Variants in ANO10 observed in about 807,000 individuals in gnomAD.
The protein encoded by ANO10 is anoctamin 10.
A neutral mutation model predicts 74.7 loss-of-function variants in ANO10; 77 were observed. That is an observed-to-expected ratio of 1.03 (90% CI 0.86 to 1.25). ANO10 has a LOEUF of 1.25. Among genes scored for constraint, ANO10 ranks in the 50% most tolerant of loss-of-function variants. The pLI is 0.00. For synonymous variants in ANO10, 279 were observed against 284.9 expected (o/e 0.98, Z 0.21); for missense variants, 721 against 778.1 (o/e 0.93, Z 0.87).
At chr3:43,580,601 C>T in intron 4 of ANO10, 129 bp from the exon 5 acceptor site, 1 of 1,073,146 alleles carries the variant, frequency 9.3e-7, no homozygotes, top group African/African-American at 1.6e-5. Flanking sequence ...CTGCCTACTC[C>T]AAACCTGTAT....
chr3:43,488,751 A>G (rs2149109479), intron 11 of ANO10, among the ~76,000 whole-genome samples: 1 of 152,292 alleles, frequency 6.6e-6, no homozygotes, highest in Non-Finnish European at 1.5e-5. Flanking sequence ...CCATTGTGGA[A>G]GTTGGTGTGG....
At chr3:43,436,824 C>T (rs2093075176) in intron 11 of ANO10, among the ~76,000 whole-genome samples, 1 of 152,156 alleles carries the variant, frequency 6.6e-6, no homozygotes, top group Non-Finnish European at 1.5e-5. Flanking sequence ...ATAGTAGTAG[C>T]TGTGTTTTGT....
intron 11 of ANO10, among the ~76,000 whole-genome samples, chr3:43,548,318 CA>C (rs1203733492): frequency 1.3e-5 from 2 of 152,182 alleles, no homozygotes; most frequent in African/African-American, 4.8e-5. Context: ...CTCTCCCTGT[CA>C]AAGGTAACTC....
intron 7 of ANO10, 23 bp downstream of exon 7, chr3:43,574,786 T>C: frequency 6.3e-7 from 1 of 1,598,028 alleles, no homozygotes; most frequent in Non-Finnish European, 8.6e-7. Flanking sequence ...TAAAATGGAT[T>C]TGTACATAAA....
At chr3:43,556,983 C>G (rs890569593) in intron 9 of ANO10, among the ~76,000 whole-genome samples, 1 of 152,016 alleles carries the variant, frequency 6.6e-6, no homozygotes, top group Non-Finnish European at 1.5e-5. Context: ...TTGGAAATAA[C>G]AGGAGAGTTC....
intron 7 of ANO10, among the ~76,000 whole-genome samples, chr3:43,570,674 A>C (rs1327355247): frequency 6.7e-6 from 1 of 148,152 alleles, no homozygotes; most frequent in Non-Finnish European, 1.5e-5. Flanking sequence ...ACCTTATACA[A>C]AAATCAATTC....
intron 5 of ANO10, among the ~76,000 whole-genome samples, chr3:43,577,747 A>G (rs973294489): frequency 1.3e-5 from 2 of 152,218 alleles, no homozygotes; most frequent in Admixed American, 6.5e-5. Flanking sequence ...ACTTTCATCA[A>G]TGTGTTATGG....
At chr3:43,553,274 T>G (rs1364914476) in intron 10 of ANO10, among the ~76,000 whole-genome samples, 1 of 152,254 alleles carries the variant, frequency 6.6e-6, no homozygotes, top group African/African-American at 2.4e-5. Context: ...GTTTACGATG[T>G]GTGTTGGCAA....
intron 1 of ANO10, among the ~76,000 whole-genome samples, chr3:43,642,158 T>C (rs2083676818): frequency 1.3e-5 from 2 of 152,220 alleles, no homozygotes; most frequent in South Asian, 4.1e-4. Context: ...GAATGACAAA[T>C]ACACTTTTAA....
intron 11 of ANO10, among the ~76,000 whole-genome samples, chr3:43,448,019 G>C (rs2093273867): frequency 6.6e-6 from 1 of 152,136 alleles, no homozygotes; most frequent in Non-Finnish European, 1.5e-5. Context: ...ATTAGGTTTA[G>C]ACAAGGTCAT....
In ANO10 at chr3:43,366,462, G is replaced by A. The variant is rs114518528; in HGVS notation, c.*444C>T. ...GGGAAGCACTGCCTTACTGTACCCC[G>A]CTCACTCTCAACTGAGGCTCCTGTG... is the stretch of plus-strand genomic sequence containing the variant. On this transcript the variant is annotated 3_prime_UTR_variant, in exon 13 of 13. Coordinates refer to ENST00000292246, the MANE Select transcript of ANO10 (RefSeq NM_018075.5). 0.015 allele frequency: 4,481 copies of A among 296,838 alleles called. 192 individuals are homozygous for A. The highest frequency in any genetic ancestry group is 0.087 in the African/African-American group (4,053 of 46,466). The allele number at this position is 296,838 out of a possible 1,614,324, so 18.4% of individuals were successfully genotyped here.
At chr3:43,406,883 C>T (rs2092585484) in intron 12 of ANO10, among the ~76,000 whole-genome samples, 1 of 151,860 alleles carries the variant, frequency 6.6e-6, no homozygotes, top group African/African-American at 2.4e-5. Flanking sequence ...CTGCAGTGTG[C>T]ACGCTGAGTC....
chr3:43,677,858 G>A (rs914434895), intron 1 of ANO10, among the ~76,000 whole-genome samples: 2 of 152,202 alleles, frequency 1.3e-5, no homozygotes, highest in Non-Finnish European at 2.9e-5. Context: ...AGATTCTTAA[G>A]TTTCAGCATT....
At chr3:43,566,764 T>TA (rs1413745862) in intron 7 of ANO10, among the ~76,000 whole-genome samples, 1 of 152,182 alleles carries the variant, frequency 6.6e-6, no homozygotes, top group Admixed American at 6.5e-5. Flanking sequence ...CTGGAAACTC[T>TA]AAAAAGCAGA....
Position 43,549,751 on chromosome 3 carries a change from G to A in ANO10, c.1766C>T (p.Ala589Val). 1 of 1,613,940 alleles carries A rather than the reference G, an allele frequency of 6.2e-7. No homozygotes were observed. The highest frequency in any genetic ancestry group is 8.5e-7 in the Non-Finnish European group (1 of 1,179,892). The part of the protein sequence containing the change: ...QVNAVFPESK[A>V]DLILIVVAVE... ...TGCTACTACAATCAAAATGAGGTCT[G>A]CTTTTGATTCTGGAAAGACTGCATT... is the stretch of plus-strand genomic sequence containing the variant. The change falls in exon 11 of 13, where the codon GCA (alanine) becomes GTA (valine). Residue 589 changes from alanine (A) to valine (V), a missense_variant. Coordinates refer to ENST00000292246, the MANE Select transcript of ANO10 (RefSeq NM_018075.5).
chr3:43,518,841 C>T (rs75963929), intron 11 of ANO10, among the ~76,000 whole-genome samples: 5,257 of 152,180 alleles, frequency 0.035, 290 homozygotes, highest in African/African-American at 0.12. Flanking sequence ...AATGATAATG[C>T]GTGTCCAGTG....
chr3:43,600,333 ACTT>A, intron 3 of ANO10, 48 bp downstream of exon 3: 1 of 1,598,684 alleles, frequency 6.3e-7, no homozygotes, highest in Admixed American at 1.7e-5. Context: ...TTCATCATAA[ACTT>A]CTTTTTGATA....
chr3:43,458,073 G>A (rs547833993), intron 11 of ANO10, among the ~76,000 whole-genome samples: 1 of 152,250 alleles, frequency 6.6e-6, no homozygotes, highest in East Asian at 1.9e-4. Flanking sequence ...CCACATATTG[G>A]AAAAGGAGTC....
At chr3:43,584,099 C>G (rs1265570826) in intron 4 of ANO10, among the ~76,000 whole-genome samples, 1 of 152,152 alleles carries the variant, frequency 6.6e-6, no homozygotes, top group African/African-American at 2.4e-5. Context: ...AAGGCAGAGT[C>G]TGAGGGCATG....
Sources: allele counts gnomAD v4.1 joint callset (sites outside exome capture counted in the v4.1 genomes callset), GRCh38; gene constraint gnomAD v4.1.1; transcripts MANE v1.5; gene names NCBI Gene and HGNC (gene_info 2026-07-23, HGNC 2026-07-21).